Variants in ELP4 observed in about 807,000 individuals in gnomAD.
ELP4 encodes elongator complex protein 4.
In ELP4, 51 loss-of-function variants were observed where a neutral mutation model predicts 48.9. The observed-to-expected ratio is 1.04, with a 90% CI of 0.83 to 1.32. The LOEUF is 1.32. Ranked by LOEUF, ELP4 falls within the 40% of genes most tolerant of loss-of-function variation. The pLI, the probability that ELP4 is intolerant of heterozygous loss-of-function variation, is 0.00. For synonymous variants in ELP4, 210 were observed against 189.2 expected (o/e 1.11, Z -0.90); for missense variants, 519 against 514.6 (o/e 1.01, Z -0.08).
At chr11:31,664,741 A>C (rs1469029157) in intron 9 of ELP4, among the ~76,000 whole-genome samples, 1 of 152,094 alleles carries the variant, frequency 6.6e-6, no homozygotes, top group African/African-American at 2.4e-5. Flanking sequence ...AAATTAAACA[A>C]ATTTTTAAAA....
At chr11:31,543,343 G>A (rs895066950) in intron 3 of ELP4, among the ~76,000 whole-genome samples, 5 of 151,946 alleles carry the variant, frequency 3.3e-5, no homozygotes, top group East Asian at 3.9e-4. Flanking sequence ...TTTTTGGGAC[G>A]GAGTCTCACT....
chr11:31,609,036 A>T (rs1159508430), intron 5 of ELP4, among the ~76,000 whole-genome samples: 1 of 152,052 alleles, frequency 6.6e-6, no homozygotes, highest in African/African-American at 2.4e-5. Flanking sequence ...TGAGGAGTTG[A>T]TCTGTTAGCC....
Position 31,772,120 on chromosome 11 carries a change from C to CTT in ELP4, c.1144-11256_1144-11255dup, listed in dbSNP as rs11406554. ...CTCTCACCACCTGAATTATTTTCTT[C>CTT]TTTTTTTTTTTTTTTTTTAGAATAA... On this transcript the variant is annotated intron_variant, in intron 9 of 9. Coordinates refer to ENST00000640961, the MANE Select transcript of ELP4 (RefSeq NM_019040.5). Among the ~76,000 whole-genome samples, 687 of 132,114 alleles carry CTT rather than the reference C, an allele frequency of 5.2e-3. 14 individuals are homozygous for CTT. The highest frequency in any genetic ancestry group is 0.014 in the African/African-American group (487 of 35,146). The allele number at this position is 132,114 out of a possible 152,430, so 86.7% of individuals were successfully genotyped here.
chr11:31,599,630 G>A (rs1175241369), intron 4 of ELP4: 2 of 152,540 alleles, frequency 1.3e-5, no homozygotes, highest in Non-Finnish European at 2.9e-5. Flanking sequence ...GGAGGCCTCG[G>A]GAAACTTACA....
intron 3 of ELP4, among the ~76,000 whole-genome samples, chr11:31,581,723 A>G (rs958879394): frequency 2.0e-5 from 3 of 150,720 alleles, no homozygotes; most frequent in African/African-American, 4.9e-5. Context: ...TATTCCTCTA[A>G]ATGTTTTCTT....
chr11:31,685,294 T>TG (rs1166868590), intron 9 of ELP4, among the ~76,000 whole-genome samples: 3 of 152,020 alleles, frequency 2.0e-5, no homozygotes, highest in African/African-American at 7.2e-5. Flanking sequence ...GAGGTTGCAG[T>TG]GAGCTGAGAT....
chr11:31,712,530 T>C (rs1041961981), intron 9 of ELP4, among the ~76,000 whole-genome samples: 1 of 152,144 alleles, frequency 6.6e-6, no homozygotes, highest in Admixed American at 6.5e-5. Context: ...ATTAGCTTGA[T>C]AAATAAGTAC....
rs1303061589 is a variant in ELP4 at position 31,603,912 on chromosome 11, G to C, written c.653+5G>C. The stretch of plus-strand genomic sequence containing the variant: ...AACTCTCAAAGTAGAACCCTGGTAA[G>C]TTAATGACCCATTTAATAACAAAAT... On this transcript the variant is annotated splice_donor_5th_base_variant and intron_variant, in intron 5 of 9. Coordinates refer to ENST00000640961, the MANE Select transcript of ELP4 (RefSeq NM_019040.5). 1.9e-6 allele frequency: 3 copies of C among 1,604,310 alleles called. No homozygotes were observed. The highest frequency in any genetic ancestry group is 2.6e-6 in the Non-Finnish European group (3 of 1,175,124).
chr11:31,752,722 T>C (rs1303857136), intron 9 of ELP4, among the ~76,000 whole-genome samples: 8 of 151,232 alleles, frequency 5.3e-5, no homozygotes, highest in Admixed American at 5.3e-4. Context: ...TAGTCCCAGC[T>C]ACTCGGGAGG....
intron 9 of ELP4, among the ~76,000 whole-genome samples, chr11:31,746,253 G>T (rs529919724): frequency 6.6e-6 from 1 of 152,316 alleles, no homozygotes; most frequent in Admixed American, 6.5e-5. Context: ...TGTTGGAGAG[G>T]ATGTGGAGAA....
intron 5 of ELP4, among the ~76,000 whole-genome samples, chr11:31,617,704 A>G (rs1163816474): frequency 1.4e-5 from 2 of 143,228 alleles, no homozygotes; most frequent in Admixed American, 1.5e-4. Context: ...ATGACAAATA[A>G]AGATATTCCA....
intron 2 of ELP4, among the ~76,000 whole-genome samples, chr11:31,527,457 C>T (rs1286203103): frequency 2.0e-5 from 3 of 152,038 alleles, no homozygotes; most frequent in African/African-American, 7.2e-5. Flanking sequence ...GCTTTCCCTA[C>T]TTCCAAATTC....
chr11:31,520,189 A>C (rs1475099157), intron 2 of ELP4, 98 bp downstream of exon 2: 2 of 994,984 alleles, frequency 2.0e-6, no homozygotes, highest in East Asian at 5.1e-5. Context: ...TTAAATCACT[A>C]ACACGACAGA....
At chr11:31,513,406 C>G (rs1956046350) in intron 1 of ELP4, among the ~76,000 whole-genome samples, 1 of 152,030 alleles carries the variant, frequency 6.6e-6, no homozygotes, top group East Asian at 1.9e-4. Context: ...AATTTGAGAT[C>G]CAGCATTAAT....
At chr11:31,745,534 A>G (rs558413542) in intron 9 of ELP4, among the ~76,000 whole-genome samples, 2 of 152,348 alleles carry the variant, frequency 1.3e-5, no homozygotes, top group East Asian at 3.9e-4. Flanking sequence ...TACTGGTACC[A>G]AAACAGAGAT....
chr11:31,595,032 G>T, intron 4 of ELP4, 131 bp downstream of exon 4: 1 of 683,776 alleles, frequency 1.5e-6, no homozygotes, highest in Non-Finnish European at 2.2e-6. Context: ...TAGAGTATTT[G>T]GTCAAGATGA....
At chr11:31,763,616 G>T (rs1947991069) in intron 9 of ELP4, 1 of 1,457,216 alleles carries the variant, frequency 6.9e-7, no homozygotes, top group Non-Finnish European at 9.2e-7. Flanking sequence ...ATTAAGAAGG[G>T]AATGTTAAGG....
intron 3 of ELP4, among the ~76,000 whole-genome samples, chr11:31,578,817 A>T (rs1478933745): frequency 6.6e-6 from 1 of 152,226 alleles, no homozygotes; most frequent in African/African-American, 2.4e-5. Context: ...TAAATGTTAG[A>T]CCTAAAACCA....
chr11:31,514,318 G>T (rs1444225298), intron 1 of ELP4, among the ~76,000 whole-genome samples: 1 of 152,138 alleles, frequency 6.6e-6, no homozygotes, highest in Non-Finnish European at 1.5e-5. Flanking sequence ...AATCACCCAA[G>T]CTTGGTGGTG....
Sources: gnomAD v4.1 joint callset for allele counts (sites outside exome capture counted in the v4.1 genomes callset) on GRCh38, gnomAD v4.1.1 for gene constraint, MANE v1.5 for transcripts, NCBI Gene and HGNC (gene_info 2026-07-23, HGNC 2026-07-21) for gene names.